Variants in NFATC1 observed in about 807,000 individuals in gnomAD.
NFATC1 encodes the protein nuclear factor of activated T cells 1.
Under a neutral mutation model 76.0 loss-of-function variants are expected in NFATC1, and 22 were observed. The observed-to-expected ratio is 0.29, with a 90% CI of 0.21 to 0.41. The LOEUF (loss-of-function observed/expected upper bound fraction) is 0.41. Ranked by LOEUF, NFATC1 falls within the 10% of genes least tolerant of loss-of-function variation. The pLI, the probability that NFATC1 is intolerant of heterozygous loss-of-function variation, is 1.00. For missense variants in NFATC1, 1,357 were observed against 1,337.7 expected (o/e 1.01, Z -0.23); for synonymous variants, 704 against 613.1 (o/e 1.15, Z -2.19).
chr18:79,512,719 C>A (rs1447693316), intron 9 of NFATC1, among the ~76,000 whole-genome samples: 5 of 152,260 alleles, frequency 3.3e-5, no homozygotes, highest in Non-Finnish European at 5.9e-5. Context: ...GCGCTCTGGG[C>A]TGTGGCTGCC....
At chr18:79,508,803 ATC>A (rs372057429) in intron 9 of NFATC1, among the ~76,000 whole-genome samples, 33 of 141,016 alleles carry the variant, frequency 2.3e-4, no homozygotes, top group East Asian at 4.2e-4. Context: ...CTCTCCGTCC[ATC>A]TCTCTCTCTC....
intron 8 of NFATC1, chr18:79,468,691 G>A (rs1438560940): frequency 6.6e-6 from 1 of 152,264 alleles, no homozygotes; most frequent in African/African-American, 2.4e-5. Flanking sequence ...CCAAACTGTT[G>A]GGACTCCTTG....
intron 3 of NFATC1, among the ~76,000 whole-genome samples, chr18:79,443,037 T>C (rs1441662523): frequency 6.6e-6 from 1 of 152,144 alleles, no homozygotes; most frequent in Non-Finnish European, 1.5e-5. Context: ...GAAACAGCCC[T>C]TCCCGGTCAG....
chr18:79,514,534 T>G (rs1439188373), intron 9 of NFATC1, among the ~76,000 whole-genome samples: 1 of 112,948 alleles, frequency 8.9e-6, no homozygotes, highest in African/African-American at 3.5e-5. Flanking sequence ...CCACTGCATC[T>G]CCAGCCAGTG....
rs568044412 is a variant in NFATC1, at chr18:79,436,791, G to A, written c.1386+3053G>A. Among the ~76,000 whole-genome samples the A allele has an allele frequency of 8.5e-5, 13 of 152,226 alleles. No homozygotes were observed. In the South Asian group the frequency reaches 2.3e-3, roughly 27 times the overall value. On this transcript the variant is annotated intron_variant, in intron 3 of 9. Coordinates refer to ENST00000427363, the MANE Select transcript of NFATC1 (RefSeq NM_001278669.2). ...AGGGGCGTGAGGGGGTCCGGCATCC[G>A]GGGCTTCTCCCATTTAGGGCCTTTC... is the stretch of plus-strand genomic sequence containing the variant.
At chr18:79,450,889 G>C in intron 4 of NFATC1, 65 bp from the exon 5 acceptor site, 1 of 1,557,320 alleles carries the variant, frequency 6.4e-7, no homozygotes, top group South Asian at 1.2e-5. Flanking sequence ...GGGTCTGGGG[G>C]GCCAGGCCTT....
chr18:79,418,502 T>C (rs904715873), intron 2 of NFATC1, among the ~76,000 whole-genome samples: 1 of 152,212 alleles, frequency 6.6e-6, no homozygotes, highest in South Asian at 2.1e-4. Flanking sequence ...CGGCCCAGAC[T>C]GGCCTTCTGC....
At chr18:79,497,505 T>G (rs868556926) in intron 9 of NFATC1, 7 of 152,258 alleles carry the variant, frequency 4.6e-5, no homozygotes, top group African/African-American at 1.7e-4. Context: ...AAAGGCCCGT[T>G]CCGAGGCACA....
At chr18:79,399,269 G>A (rs937186758) in intron 1 of NFATC1, among the ~76,000 whole-genome samples, 1 of 152,284 alleles carries the variant, frequency 6.6e-6, no homozygotes, top group Non-Finnish European at 1.5e-5. Context: ...GAGAAAACCA[G>A]CCAGTGAAAG....
intron 3 of NFATC1, among the ~76,000 whole-genome samples, chr18:79,434,498 G>A (rs1188273000): frequency 1.3e-5 from 2 of 152,220 alleles, no homozygotes; most frequent in Admixed American, 6.5e-5. Flanking sequence ...CATTTTCTTC[G>A]TTCCACCTGT....
intron 2 of NFATC1, among the ~76,000 whole-genome samples, chr18:79,414,350 C>G (rs576066840): frequency 2.7e-4 from 41 of 152,344 alleles, no homozygotes; most frequent in Non-Finnish European, 5.1e-4. Context: ...TACAGAACTG[C>G]TGCTCCATTA....
At chr18:79,526,480 G>T (rs73481149) in intron 9 of NFATC1, among the ~76,000 whole-genome samples, 156 of 152,330 alleles carry the variant, frequency 1.0e-3, no homozygotes, top group African/African-American at 3.7e-3. Flanking sequence ...GACCTTCTGT[G>T]GGCGCCATGT....
chr18:79,402,289 G>A, intron 1 of NFATC1: 1 of 979,286 alleles, frequency 1.0e-6, no homozygotes, highest in Non-Finnish European at 1.2e-6. Context: ...ACCATTTTGA[G>A]GTGGGCGGGC....
intron 3 of NFATC1, 128 bp downstream of exon 3, chr18:79,433,866 C>A: frequency 8.3e-7 from 1 of 1,200,264 alleles, no homozygotes; most frequent in Non-Finnish European, 1.1e-6. Flanking sequence ...GTGGTTAGTC[C>A]CGGGCGGCTG....
intron 1 of NFATC1, chr18:79,400,311 G>A (rs1203615378): frequency 3.7e-5 from 48 of 1,298,042 alleles, no homozygotes; most frequent in Non-Finnish European, 4.4e-5. Flanking sequence ...GTTACGCGGA[G>A]GACGCGCGGG....
At chr18:79,400,405 A>G in intron 1 of NFATC1, 1 of 1,489,774 alleles carries the variant, frequency 6.7e-7, no homozygotes, top group Non-Finnish European at 8.9e-7. Context: ...ACGGGGCTGG[A>G]GGACCAGGAG....
chr18:79,499,077 A>G (rs1178497420), intron 9 of NFATC1, among the ~76,000 whole-genome samples: 1 of 152,262 alleles, frequency 6.6e-6, no homozygotes, highest in Non-Finnish European at 1.5e-5. Flanking sequence ...TGAATTAAAA[A>G]GACAGCACAA....
intron 6 of NFATC1, among the ~76,000 whole-genome samples, chr18:79,456,264 G>T (rs1415257242): frequency 6.6e-6 from 1 of 152,248 alleles, no homozygotes; most frequent in African/African-American, 2.4e-5. Flanking sequence ...ATTCACCGCG[G>T]CGAGTGTGGG....
At chr18:79,456,910 A>G (rs1336661617) in intron 6 of NFATC1, among the ~76,000 whole-genome samples, 1 of 152,150 alleles carries the variant, frequency 6.6e-6, no homozygotes, top group African/African-American at 2.4e-5. Context: ...CCCTGTGTGG[A>G]GCAGCTCAGC....
Sources: allele counts gnomAD v4.1 joint callset (sites outside exome capture counted in the v4.1 genomes callset), GRCh38; gene constraint gnomAD v4.1.1; transcripts MANE v1.5; gene names NCBI Gene and HGNC (gene_info 2026-07-23, HGNC 2026-07-21).